Variants in UTP20 observed in about 807,000 individuals in gnomAD.
The protein encoded by UTP20 is UTP20 small subunit processome component.
Under a neutral mutation model 329.5 loss-of-function variants are expected in UTP20, and 164 were observed. The observed-to-expected ratio is 0.50, with a 90% CI of 0.44 to 0.57. UTP20 has a LOEUF of 0.57. Among genes scored for constraint, UTP20 ranks in the 20% least tolerant of loss-of-function variants. The pLI, the probability that UTP20 is intolerant of heterozygous loss-of-function variation, is 0.00. For missense variants in UTP20, 3,055 were observed against 3,284.2 expected (o/e 0.93, Z 1.71); for synonymous variants, 1,151 against 1,159.3 (o/e 0.99, Z 0.14).
intron 5 of UTP20, 96 bp from the exon 6 acceptor site, chr12:101,288,864 A>C: frequency 6.4e-6 from 7 of 1,091,800 alleles, no homozygotes; most frequent in Non-Finnish European, 9.3e-6. Context: ...TATTCCTTGC[A>C]TACCCAGCAC....
At position 101,302,540 on chromosome 12, in the gene UTP20, A is replaced by G; in HGVS notation, c.1768A>G (p.Lys590Glu). The stretch of plus-strand genomic sequence containing the variant: ...TCATTTGGTTCCTGTGGAACGTGTG[A>G]AGAATTTAGTATTGTAAGTAAACAT... ...LLHLVPVERVKNLVLTFPLEP... is the reference protein window; with the variant it reads ...LLHLVPVERVENLVLTFPLEP... The change falls in exon 15 of 62, where the codon AAG becomes GAG. Residue 590 changes from lysine to glutamate, a missense_variant. This residue lies in a region of UTP20 where 2,445 missense variants were observed against 2,575.5 expected (regional missense o/e 0.95). Transcript: ENST00000261637. 6.2e-7 allele frequency: 1 copy of G among 1,605,304 alleles called. No individual in the cohort carries two copies. The highest frequency in any genetic ancestry group is 8.5e-7 in the Non-Finnish European group (1 of 1,175,936).
chr12:101,366,479 C>T, intron 46 of UTP20, 79 bp from the exon 47 acceptor site: 1 of 1,528,372 alleles, frequency 6.5e-7, no homozygotes, highest in Non-Finnish European at 8.8e-7. Flanking sequence ...GCTCTCGTCA[C>T]TTTAGAAGGG....
rs1870375843 is a variant in UTP20 at position 101,373,682 on chromosome 12, C to T, written c.7046C>T (p.Thr2349Ile). The change falls in exon 54 of 62, where the codon ACA becomes ATA. Residue 2349 changes from threonine (T) to isoleucine (I), a missense_variant. This residue lies in a region of UTP20 where 273 missense variants were observed against 363.1 expected (regional missense o/e 0.75). Coordinates refer to ENST00000261637, the MANE Select transcript of UTP20 (RefSeq NM_014503.3). ...ACGTGCAAAAAGATGGCATCCATGACAATCAAGTCCCTACTTGGTAAAATC... is the reference window on the plus strand; with the variant it reads ...ACGTGCAAAAAGATGGCATCCATGATAATCAAGTCCCTACTTGGTAAAATC... ...SATCKKMASM[T>I]IKSLLGKISL... The T allele has an allele frequency of 6.2e-7, 1 of 1,612,948 alleles. No homozygotes were observed. Among genetic ancestry groups the T allele is most frequent in the Non-Finnish European group, 8.5e-7 (1 of 1,179,838 alleles).
chr12:101,354,299 T>C (rs1354088508), intron 40 of UTP20, among the ~76,000 whole-genome samples: 1 of 141,560 alleles, frequency 7.1e-6, no homozygotes, highest in East Asian at 2.1e-4. Context: ...AGAAATTCAA[T>C]CTGCAGTTAG....
chr12:101,343,277 A>C (rs928010751), intron 35 of UTP20, among the ~76,000 whole-genome samples, 184 bp downstream of exon 35: 2 of 152,202 alleles, frequency 1.3e-5, no homozygotes, highest in Non-Finnish European at 2.9e-5. Context: ...TTAAAAGGCA[A>C]ATATTGTGAA....
chr12:101,346,032 T>C (rs1004594714), intron 37 of UTP20, among the ~76,000 whole-genome samples: 12 of 152,182 alleles, frequency 7.9e-5, no homozygotes, highest in Admixed American at 1.3e-4. Flanking sequence ...ACACATGGAC[T>C]GTGTTTCACT....
intron 51 of UTP20, among the ~76,000 whole-genome samples, chr12:101,372,344 C>T (rs1336851146): frequency 1.3e-5 from 2 of 152,202 alleles, no homozygotes; most frequent in Admixed American, 6.5e-5. Flanking sequence ...CTTATTGTCT[C>T]GGCCAACTTC....
chr12:101,280,201 T>G lies in UTP20; in HGVS notation c.-82T>G. 1 of 1,522,592 alleles carries G rather than the reference T, an allele frequency of 6.6e-7. No individual in the cohort carries two copies. Among genetic ancestry groups the G allele is most frequent in the South Asian group, 1.2e-5 (1 of 83,076 alleles). 94.3% of individuals were successfully genotyped at this position (1,522,592 alleles called of 1,614,324 possible). A position where few individuals can be genotyped will look rare whatever the true frequency, so the allele number is the denominator to read the frequency against. On this transcript the variant is annotated 5_prime_UTR_variant, in exon 1 of 62. Coordinates refer to ENST00000261637, the MANE Select transcript of UTP20 (RefSeq NM_014503.3). The stretch of plus-strand genomic sequence containing the variant: ...TCTGGGAATCGGAGAGTATAGCCTG[T>G]GAGCCGCTTTCCCCTCCTTACTGTC...
intron 14 of UTP20, 98 bp from the exon 15 acceptor site, chr12:101,302,350 C>T (rs1417955157): frequency 1.4e-6 from 1 of 703,836 alleles, no homozygotes; most frequent in East Asian, 3.0e-5. Context: ...ACTTTAAGAA[C>T]TTCCCATAAG....
chr12:101,354,552 C>G (rs1869650967), intron 40 of UTP20, among the ~76,000 whole-genome samples: 1 of 152,140 alleles, frequency 6.6e-6, no homozygotes, highest in African/African-American at 2.4e-5. Flanking sequence ...TCCTGCCCCC[C>G]AAGCCTCCCA....
chr12:101,361,580 C>T (rs1047748473), intron 43 of UTP20, among the ~76,000 whole-genome samples: 6 of 151,890 alleles, frequency 4.0e-5, no homozygotes, highest in Admixed American at 3.3e-4. Context: ...GAGCCAAGAT[C>T]GCACCATTGC....
At chr12:101,365,258 G>T (rs1318358828) in intron 45 of UTP20, among the ~76,000 whole-genome samples, 1 of 152,016 alleles carries the variant, frequency 6.6e-6, no homozygotes, top group Non-Finnish European at 1.5e-5. Context: ...CCTGCACAGT[G>T]GTTCTTCCTG....
chr12:101,290,406 AG>A, intron 7 of UTP20, 132 bp downstream of exon 7: 1 of 1,106,836 alleles, frequency 9.0e-7, no homozygotes, highest in Non-Finnish European at 1.2e-6. Flanking sequence ...TTGGGTGTTC[AG>A]TAACAATGCT....
intron 28 of UTP20, among the ~76,000 whole-genome samples, chr12:101,333,860 C>A (rs2034904): frequency 2.6e-5 from 4 of 152,072 alleles, no homozygotes; most frequent in Admixed American, 6.5e-5. Flanking sequence ...GATGGAGTTT[C>A]GCCATGTTGG....
Position 101,334,427 on chromosome 12 carries a change from C to A in UTP20, c.3564C>A (p.Ile1188=). The A allele has an allele frequency of 6.2e-7, 1 of 1,611,302 alleles. No homozygotes were observed. The highest frequency in any genetic ancestry group is 1.1e-5 in the South Asian group (1 of 90,882). The change falls in exon 29 of 62, where the codon ATC becomes ATA. Residue 1188 remains isoleucine (I), a splice_region_variant and synonymous_variant. Coordinates refer to ENST00000261637, the MANE Select transcript of UTP20 (RefSeq NM_014503.3). ...AVFHGAVWPQ[I]SRLGSESQYS... is the part of the protein sequence containing the mutation. ...CTGTTTTTTACTTTGTCTCCTAGAT[C>A]AGCAGGCTTGGATCTGAGAGTCAAT...
intron 32 of UTP20, among the ~76,000 whole-genome samples, chr12:101,341,393 A>C (rs1869131460): frequency 1.3e-5 from 2 of 152,138 alleles, no homozygotes; most frequent in African/African-American, 4.8e-5. Context: ...GTTCAATCTT[A>C]ATTAGGAGTC....
At chr12:101,327,906 C>G (rs751549294) in intron 26 of UTP20, among the ~76,000 whole-genome samples, 20 of 152,312 alleles carry the variant, frequency 1.3e-4, no homozygotes, top group Admixed American at 1.0e-3. Flanking sequence ...TTCAGACAAT[C>G]AACCACATGA....
Position 101,295,625 on chromosome 12 carries a change from A to G in UTP20, c.1397A>G (p.Lys466Arg). ...PPTAGSMAIE[K>R]YPLVFSPQMV... ...ACTGCTGGCTCGATGGCAATTGAAA[A>G]GTACCCTCTGGTTTTCTCACCGCAG... Residue 466 changes from lysine to arginine, a missense_variant, in exon 12 of 62, where the codon AAG (lysine) becomes AGG (arginine). Coordinates refer to ENST00000261637, the MANE Select transcript of UTP20 (RefSeq NM_014503.3). The G allele has an allele frequency of 6.2e-7, 1 of 1,610,992 alleles. No homozygotes were observed. Among genetic ancestry groups the G allele is most frequent in the Non-Finnish European group, 8.5e-7 (1 of 1,177,882 alleles).
chr12:101,303,912 A>G (rs2137245711), intron 15 of UTP20, among the ~76,000 whole-genome samples: 1 of 152,268 alleles, frequency 6.6e-6, no homozygotes, highest in East Asian at 1.9e-4. Flanking sequence ...GTTCTTTGAC[A>G]TCACCACATT....
Sources: gnomAD v4.1 joint callset for allele counts (sites outside exome capture counted in the v4.1 genomes callset) on GRCh38, gnomAD v4.1.1 for gene constraint, gnomAD v4.1.1 regional missense constraint, MANE v1.5 for transcripts, NCBI Gene and HGNC (gene_info 2026-07-23, HGNC 2026-07-21) for gene names.